Variants in AK8 observed in about 807,000 individuals in gnomAD.
The protein encoded by AK8 is ATP-AMP transphosphorylase 8.
A neutral mutation model predicts 54.6 loss-of-function variants in AK8; 44 were observed. That is an observed-to-expected ratio of 0.81 (90% CI 0.63 to 1.04). The LOEUF is 1.04. Ranked by LOEUF, AK8 falls within the 50% of genes least tolerant of loss-of-function variation. The pLI is 0.00. For synonymous variants in AK8, 239 were observed against 245.6 expected (o/e 0.97, Z 0.25); for missense variants, 555 against 613.6 (o/e 0.90, Z 1.01).
intron 7 of AK8, 116 bp downstream of exon 7, chr9:132,827,897 C>T (rs1161097975): frequency 1.9e-5 from 19 of 1,019,924 alleles, no homozygotes; most frequent in Middle Eastern, 5.5e-4. Flanking sequence ...CAGCCTTCCT[C>T]GTGTCCCTCT....
At chr9:132,834,905 C>T (rs190384560) in intron 5 of AK8, among the ~76,000 whole-genome samples, 36 of 150,662 alleles carry the variant, frequency 2.4e-4, no homozygotes, top group African/African-American at 7.8e-4. Flanking sequence ...CCCACTCTGT[C>T]GCCCAGACTG....
At position 132,791,887 on chromosome 9, in the gene AK8, A is replaced by G. The variant is rs201132742; in HGVS notation, c.1121+747T>C. ...GGTATGACCAACCAGAGAAAGCCAA[A>G]TATGTTCCCTTAACCAGTCACACAG... On this transcript the variant is annotated intron_variant, in intron 11 of 12. Coordinates refer to ENST00000298545, the MANE Select transcript of AK8 (RefSeq NM_152572.3). This position sits in a 1 kb window ranked among gnomAD's most constrained non-coding sequence, Gnocchi z 4.0. 3.3e-5 allele frequency among the ~76,000 whole-genome samples: 5 copies of G among 152,186 alleles called. No individual in the cohort carries two copies. The East Asian group carries it at 7.7e-4, about 23-fold the overall frequency.
intron 11 of AK8, among the ~76,000 whole-genome samples, chr9:132,763,138 T>C (rs1023604479): frequency 6.6e-6 from 1 of 152,206 alleles, no homozygotes; most frequent in African/African-American, 2.4e-5. Flanking sequence ...ACCCTGCCAC[T>C]GTGGCCAGCC....
intron 1 of AK8, among the ~76,000 whole-genome samples, chr9:132,875,847 G>T (rs548809274): frequency 6.6e-6 from 1 of 152,314 alleles, no homozygotes; most frequent in African/African-American, 2.4e-5. Flanking sequence ...GTTTGCTGGG[G>T]AACATGACCG....
At chr9:132,752,344 G>T (rs1235621799) in intron 11 of AK8, among the ~76,000 whole-genome samples, 1 of 151,438 alleles carries the variant, frequency 6.6e-6, no homozygotes, top group Admixed American at 6.6e-5. Flanking sequence ...CCACCAGCTG[G>T]GTTCACGCCA....
intron 2 of AK8, among the ~76,000 whole-genome samples, chr9:132,870,425 G>C (rs1056477551): frequency 6.6e-6 from 1 of 152,178 alleles, no homozygotes; most frequent in African/African-American, 2.4e-5. Flanking sequence ...ATCCTTTTGA[G>C]GTTTAACTAG....
intron 5 of AK8, among the ~76,000 whole-genome samples, chr9:132,843,279 C>T (rs142966289): frequency 1.1e-4 from 16 of 152,114 alleles, no homozygotes; most frequent in African/African-American, 3.1e-4. Context: ...AAGTGTGTGG[C>T]GCCTCCCCCT....
At chr9:132,795,917 T>C (rs2131180386) in intron 10 of AK8, among the ~76,000 whole-genome samples, 1 of 152,318 alleles carries the variant, frequency 6.6e-6, no homozygotes, top group East Asian at 1.9e-4. Flanking sequence ...AGGCCTCCAT[T>C]GTTTAGCGGT....
intron 9 of AK8, among the ~76,000 whole-genome samples, chr9:132,821,562 T>G (rs183822724): frequency 2.3e-4 from 35 of 152,240 alleles, no homozygotes; most frequent in African/African-American, 8.4e-4. Context: ...ATTTTAGGTG[T>G]GTGACTTTTG....
At chr9:132,821,382 C>G (rs575921721) in intron 9 of AK8, among the ~76,000 whole-genome samples, 1 of 152,208 alleles carries the variant, frequency 6.6e-6, no homozygotes, top group African/African-American at 2.4e-5. Flanking sequence ...CCTAACACTG[C>G]TGGAAATTTC....
chr9:132,821,258 G>A (rs1462497733), intron 9 of AK8, among the ~76,000 whole-genome samples: 1 of 151,246 alleles, frequency 6.6e-6, no homozygotes, highest in Non-Finnish European at 1.5e-5. Flanking sequence ...CCTCCACCGC[G>A]AGTGCCCCTC....
chr9:132,807,496 C>T (rs150375206), intron 10 of AK8, among the ~76,000 whole-genome samples: 357 of 152,316 alleles, frequency 2.3e-3, no homozygotes, highest in African/African-American at 8.0e-3. Flanking sequence ...TGGATAACCA[C>T]CCTCCAGAGG....
At chr9:132,838,807 C>T (rs1842425654) in intron 5 of AK8, among the ~76,000 whole-genome samples, 1 of 152,074 alleles carries the variant, frequency 6.6e-6, no homozygotes, top group Admixed American at 6.5e-5. Context: ...CAGCAGGTGC[C>T]CCAGAAGTCT....
At chr9:132,796,696 C>T (rs982068516) in intron 10 of AK8, among the ~76,000 whole-genome samples, 18 of 151,686 alleles carry the variant, frequency 1.2e-4, no homozygotes, top group Admixed American at 6.6e-5. Flanking sequence ...GGTAAATAAA[C>T]GGCTTGTATA....
chr9:132,783,630 TC>T (rs1839572770), intron 11 of AK8, among the ~76,000 whole-genome samples: 1 of 150,320 alleles, frequency 6.7e-6, no homozygotes, highest in Non-Finnish European at 1.5e-5. Context: ...AATGAATTAC[TC>T]CAGGAAACAT....
intron 5 of AK8, among the ~76,000 whole-genome samples, chr9:132,839,827 G>GGT (rs908130020): frequency 1.6e-4 from 23 of 147,588 alleles, no homozygotes; most frequent in Middle Eastern, 3.4e-3. Context: ...TGCCGGGGGG[G>GGT]GGGGCGCAGG....
rs556586387 is a variant in AK8, at chr9:132,818,374, C to T, written c.890-3647G>A. Among the ~76,000 whole-genome samples the T allele has an allele frequency of 2.6e-5, 4 of 152,176 alleles. No individual in the cohort carries two copies. In the South Asian group the frequency reaches 6.2e-4, roughly 24 times the overall value. On this transcript the variant is annotated intron_variant, in intron 9 of 12. Coordinates refer to ENST00000298545, the MANE Select transcript of AK8 (RefSeq NM_152572.3). ...TGACTATTTAAAACAAAAATAATTACAATATATTGTAGGGTTTATAACATA... is the reference window on the plus strand; with the variant it reads ...TGACTATTTAAAACAAAAATAATTATAATATATTGTAGGGTTTATAACATA...
At chr9:132,749,364 G>T (rs932975067) in intron 11 of AK8, among the ~76,000 whole-genome samples, 1 of 151,852 alleles carries the variant, frequency 6.6e-6, no homozygotes, top group Non-Finnish European at 1.5e-5. Context: ...GGTGCTGGAC[G>T]CTCTGGCCTG....
In AK8 at chr9:132,770,652, C is replaced by T. The variant is rs1838928791; in HGVS notation, c.1121+21982G>A. On this transcript the variant is annotated intron_variant, in intron 11 of 12. Transcript: ENST00000298545. The surrounding 1 kb of genome is among the most constrained non-coding windows in gnomAD (Gnocchi z 4.3). ...AGACCTGGGGCAGCGCGGTGGGCAG[C>T]GGGCTGGGCCGAGATCGAGACCGGG... 6.6e-6 allele frequency among the ~76,000 whole-genome samples: 1 copy of T among 152,178 alleles called. No individual in the cohort carries two copies. The highest frequency in any genetic ancestry group is 6.5e-5 in the Admixed American group (1 of 15,282).
Sources: gnomAD v4.1 joint callset for allele counts (sites outside exome capture counted in the v4.1 genomes callset) on GRCh38, gnomAD v4.1.1 for gene constraint, Gnocchi (gnomAD v3.1) non-coding constraint, MANE v1.5 for transcripts, NCBI Gene and HGNC (gene_info 2026-07-23, HGNC 2026-07-21) for gene names.